The following VHL variants were observed in gnomAD, a reference collection of about 807,000 sequenced individuals.
VHL encodes von Hippel-Lindau disease tumor suppressor.
VHL carries 10 observed loss-of-function variants against 19.2 expected under a neutral mutation model. The observed-to-expected ratio is 0.52, with a 90% CI of 0.32 to 0.89. VHL has a LOEUF of 0.89. VHL is among the 40% of genes least tolerant of loss of function. VHL has a pLI of 0.03. For missense variants in VHL, 328 were observed against 292.7 expected (o/e 1.12, Z -0.88); for synonymous variants, 167 against 129.5 (o/e 1.29, Z -1.97).
chr3:10,143,795 T>C (rs1489034304), intron 1 of VHL, among the ~76,000 whole-genome samples: 1 of 152,166 alleles, frequency 6.6e-6, no homozygotes, highest in African/African-American at 2.4e-5. Context: ...GTCAGATTTA[T>C]ATACTGAAAA....
At position 10,142,072 on chromosome 3, in the gene VHL, C is replaced by T. The variant is rs768104793; in HGVS notation, c.225C>T (p.Ile75=). The change falls in exon 1 of 3, where the codon ATC becomes ATT. Residue 75 remains isoleucine (I), a synonymous_variant. Transcript: ENST00000256474. ...ACTCGCGCGAGCCCTCCCAGGTCAT[C>T]TTCTGCAATCGCAGTCCGCGCGTCG... is the stretch of plus-strand genomic sequence containing the variant. The part of the protein sequence containing the change: ...SVNSREPSQV[I]FCNRSPRVVL... 4 of 1,607,120 alleles carry T rather than the reference C, an allele frequency of 2.5e-6. No individual in the cohort carries two copies. The highest frequency in any genetic ancestry group is 3.3e-5 in the Admixed American group (2 of 59,864).
chr3:10,144,548 G>A (rs1219691486), intron 1 of VHL, among the ~76,000 whole-genome samples: 1 of 148,154 alleles, frequency 6.7e-6, no homozygotes, highest in African/African-American at 2.5e-5. Flanking sequence ...CTGGGCTGGA[G>A]TGTGGAGGCT....
chr3:10,149,654 A>C lies in VHL; in HGVS notation c.464-133A>C, dbSNP rs576228359. The C allele has an allele frequency of 2.0e-5, 15 of 768,440 alleles. No individual in the cohort carries two copies. In the East Asian group the frequency reaches 3.7e-4, roughly 19 times the overall value. The allele number at this position is 768,440 out of a possible 1,614,324, so 47.6% of individuals were successfully genotyped here. A position where few individuals can be genotyped will look rare whatever the true frequency, so the allele number is the denominator to read the frequency against. On this transcript the variant is annotated intron_variant, in intron 2 of 2. Transcript: ENST00000256474. ...ATCAGCATAACACACTGCCACATACATGCACTCACTTTTTTTCTTTAACCT... is the reference window on the plus strand; with the variant it reads ...ATCAGCATAACACACTGCCACATACCTGCACTCACTTTTTTTCTTTAACCT...
chr3:10,142,333 A>G, intron 1 of VHL, 146 bp downstream of exon 1: 1 of 675,902 alleles, frequency 1.5e-6, no homozygotes, highest in Non-Finnish European at 2.4e-6. Context: ...CGTAAGCGTC[A>G]GAGCATTCTT....
intron 1 of VHL, 21 bp downstream of exon 1, chr3:10,142,208 C>T (rs2125125455): frequency 6.3e-7 from 1 of 1,592,852 alleles, no homozygotes. Context: ...GGCGCTTAGG[C>T]CCGACCCAGC....
Position 10,146,515 on chromosome 3 carries a change from T to A in VHL, c.342T>A (p.Gly114=), listed in dbSNP as rs767136348. 6.2e-7 allele frequency: 1 copy of A among 1,613,674 alleles called. No individual in the cohort carries two copies. Among genetic ancestry groups the A allele is most frequent in the Non-Finnish European group, 8.5e-7 (1 of 1,179,750 alleles). The change falls in exon 2 of 3, where the codon GGT becomes GGA. Residue 114 remains glycine, a splice_region_variant and synonymous_variant. Coordinates refer to ENST00000256474, the MANE Select transcript of VHL (RefSeq NM_000551.4). ...AACAACCTTTGCTTGTCCCGATAGG[T>A]CACCTTTGGCTCTTCAGAGATGCAG... The part of the protein sequence containing the change: ...GTGRRIHSYR[G]HLWLFRDAGT...
chr3:10,146,326 AC>A lies in VHL; in HGVS notation c.341-186del, dbSNP rs35286098. On this transcript the variant is annotated intron_variant, in intron 1 of 2. Coordinates refer to ENST00000256474, the MANE Select transcript of VHL (RefSeq NM_000551.4). ...GTAGCTGGGACTACAGGCGCTCGCCACCACACCTGGCTAATTTTTTTGTATT... is the reference window on the plus strand; with the variant it reads ...GTAGCTGGGACTACAGGCGCTCGCCACACACCTGGCTAATTTTTTTGTATT... Among the ~76,000 whole-genome samples the A allele has an allele frequency of 0.76, 114,652 of 151,786 alleles. 45,021 individuals are homozygous for A. The highest frequency in any genetic ancestry group is 0.86 in the East Asian group (4,435 of 5,166).
chr3:10,151,549 AG>A lies in VHL; in HGVS notation c.*1587del, dbSNP rs1002644446. On this transcript the variant is annotated 3_prime_UTR_variant, in exon 3 of 3. Transcript: ENST00000256474. ...TGAGCTATTTCCTTCCAGCCTTTTT[AG>A]GGCAGATTTTGGTTGGTTTTTACAT... 8.8e-6 allele frequency: 2 copies of A among 226,164 alleles called. No individual in the cohort carries two copies. The highest frequency in any genetic ancestry group is 5.7e-5 in the Admixed American group (1 of 17,534). The allele number at this position is 226,164 out of a possible 1,614,324, so 14.0% of individuals were successfully genotyped here.
At position 10,151,826 on chromosome 3, in the gene VHL, A is replaced by T. The variant is rs1696417705; in HGVS notation, c.*1861A>T. The stretch of plus-strand genomic sequence containing the variant: ...CCGCCTGTAATCCCAGTACTTTGGA[A>T]AGCCAAGGTAAGAGGATTGCTTGAG... On this transcript the variant is annotated 3_prime_UTR_variant, in exon 3 of 3. Transcript: ENST00000256474. 5.1e-6 allele frequency: 1 copy of T among 195,464 alleles called. No homozygotes were observed. The highest frequency in any genetic ancestry group is 2.3e-5 in the African/African-American group (1 of 43,162). The allele number at this position is 195,464 out of a possible 1,614,324, so 12.1% of individuals were successfully genotyped here.
At chr3:10,146,663 A>C in intron 2 of VHL, 27 bp downstream of exon 2, 1 of 1,612,226 alleles carries the variant, frequency 6.2e-7, no homozygotes, top group Non-Finnish European at 8.5e-7. Flanking sequence ...TTTTAAAAAG[A>C]TAAGGTTGTT....
chr3:10,148,923 T>G (rs1308238375), intron 2 of VHL, among the ~76,000 whole-genome samples: 1 of 151,574 alleles, frequency 6.6e-6, no homozygotes, highest in Non-Finnish European at 1.5e-5. Flanking sequence ...TCTGCCTGCC[T>G]CAGCCTCCTA....
In VHL at chr3:10,142,102, G is replaced by A. The variant is rs876658508; in HGVS notation, c.255G>A (p.Leu85=). ...IFCNRSPRVV[L]PVWLNFDGEP... is the part of the protein sequence containing the mutation. Reference sequence around the variant, plus strand: ...GCAATCGCAGTCCGCGCGTCGTGCTGCCCGTATGGCTCAACTTCGACGGCG... The same window carrying A: ...GCAATCGCAGTCCGCGCGTCGTGCTACCCGTATGGCTCAACTTCGACGGCG... Residue 85 remains leucine (L), a synonymous_variant, in exon 1 of 3, where the codon CTG becomes CTA. Transcript: ENST00000256474. 8 of 1,603,432 alleles carry A rather than the reference G, an allele frequency of 5.0e-6. No individual in the cohort carries two copies. Among genetic ancestry groups the A allele is most frequent in the Non-Finnish European group, 6.8e-6 (8 of 1,179,744 alleles).
In VHL at chr3:10,141,894, A is replaced by G. The variant is rs864622379; in HGVS notation, c.47A>G (p.Glu16Gly). ...ENWDEAEVGA[E>G]EAGVEEYGPE... Reference sequence around the variant, plus strand: ...TGGGACGAGGCCGAGGTAGGCGCGGAGGAGGCAGGCGTCGAAGAGTACGGC... The same window carrying G: ...TGGGACGAGGCCGAGGTAGGCGCGGGGGAGGCAGGCGTCGAAGAGTACGGC... Residue 16 changes from glutamate to glycine, a missense_variant, in exon 1 of 3, where the codon GAG (glutamate) becomes GGG (glycine). Transcript: ENST00000256474. 1 of 1,532,776 alleles carries G rather than the reference A, an allele frequency of 6.5e-7. No homozygotes were observed. The highest frequency in any genetic ancestry group is 8.8e-7 in the Non-Finnish European group (1 of 1,137,434). 94.9% of individuals were successfully genotyped at this position (1,532,776 alleles called of 1,614,324 possible).
intron 1 of VHL, among the ~76,000 whole-genome samples, chr3:10,144,245 T>C (rs1002585215): frequency 6.6e-6 from 1 of 151,860 alleles, no homozygotes; most frequent in African/African-American, 2.4e-5. Flanking sequence ...GGCAGGAGGA[T>C]TTCTTGAGCC....
At chr3:10,144,029 T>C (rs1696192431) in intron 1 of VHL, among the ~76,000 whole-genome samples, 2 of 152,204 alleles carry the variant, frequency 1.3e-5, no homozygotes, top group South Asian at 4.1e-4. Flanking sequence ...GTGTACTTAA[T>C]ACACTTTTAC....
rs187719061 is a variant in VHL at position 10,152,513 on chromosome 3, G to A, written c.*2548G>A. Among the ~76,000 whole-genome samples, 11,344 of 95,108 alleles carry A rather than the reference G, an allele frequency of 0.12. 1,759 individuals are homozygous for A. Among genetic ancestry groups the A allele is most frequent in the African/African-American group, 0.38 (9,202 of 24,492 alleles). 62.4% of individuals were successfully genotyped at this position (95,108 alleles called of 152,430 possible). ...TTTTTTTTTTTTTTTTTTTTTTTGA[G>A]ATGGAGTCTCACTCTGTTGCCCAGG... is the stretch of plus-strand genomic sequence containing the variant. On this transcript the variant is annotated 3_prime_UTR_variant, in exon 3 of 3. Transcript: ENST00000256474.
rs1696378209 is a variant in VHL, at chr3:10,150,308, G to T, written c.*343G>T. The T allele has an allele frequency of 7.9e-7, 1 of 1,270,406 alleles. No individual in the cohort carries two copies. Among genetic ancestry groups the T allele is most frequent in the African/African-American group, 1.5e-5 (1 of 66,706 alleles). 78.7% of individuals were successfully genotyped at this position (1,270,406 alleles called of 1,614,324 possible). ...CAGCATATCGTTTAATTTTAAGAAG[G>T]CATTGGCATCTGCTTTTAATGGATG... On this transcript the variant is annotated 3_prime_UTR_variant, in exon 3 of 3. Transcript: ENST00000256474.
chr3:10,146,377 C>T (rs1436825612), intron 1 of VHL, 137 bp from the exon 2 acceptor site: 15 of 1,191,928 alleles, frequency 1.3e-5, no homozygotes, highest in South Asian at 2.5e-5. Context: ...GGTTTCACCA[C>T]GTTAGCCAGG....
Position 10,142,070 on chromosome 3 carries a change from ATCT to A in VHL, c.227_229del (p.Phe76del), listed in dbSNP as rs5030648. 1 of 1,607,060 alleles carries A rather than the reference ATCT, an allele frequency of 6.2e-7. No homozygotes were observed. The highest frequency in any genetic ancestry group is 8.5e-7 in the Non-Finnish European group (1 of 1,179,464). ...GAACTCGCGCGAGCCCTCCCAGGTC[ATCT>A]TCTGCAATCGCAGTCCGCGCGTCGT... On this transcript the variant is annotated inframe_deletion, in exon 1 of 3. Coordinates refer to ENST00000256474, the MANE Select transcript of VHL (RefSeq NM_000551.4).
Sources: allele counts gnomAD v4.1 joint callset (sites outside exome capture counted in the v4.1 genomes callset), GRCh38; gene constraint gnomAD v4.1.1; transcripts MANE v1.5; gene names NCBI Gene and HGNC (gene_info 2026-07-23, HGNC 2026-07-21).